ARID2: variants seen among roughly 807,000 people sequenced by gnomAD.
ARID2 encodes AT-rich interaction domain 2, also known as AT-rich interactive domain-containing protein 2.
ARID2 carries 32 observed loss-of-function variants against 184.6 expected under a neutral mutation model. The observed-to-expected ratio is 0.17, with a 90% confidence interval of 0.13 to 0.23. The LOEUF (loss-of-function observed/expected upper bound fraction) is 0.23. Among genes scored for constraint, ARID2 ranks in the 10% least tolerant of loss-of-function variants. ARID2 has a pLI of 1.00. For synonymous variants in ARID2, 836 were observed against 772.6 expected, an observed-to-expected ratio of 1.08 and a Z score of -1.36; for missense variants, 1,696 against 2,197.6, an observed-to-expected ratio of 0.77 and a Z score of 4.56.
At position 45,884,594 on chromosome 12, in the gene ARID2, T is replaced by C. The variant is rs557184720; in HGVS notation, c.4923-7186T>C. Among the ~76,000 whole-genome samples the C allele has an allele frequency of 7.2e-5, 11 of 152,316 alleles. No individual in the cohort carries two copies. The East Asian group carries it at 1.5e-3, about 21-fold the overall frequency. ...TTTACTATGTAAAATAAGTGACTGCTTCACAGACCGGCGGGTTAATAGCAC... is the reference window on the plus strand; with the variant it reads ...TTTACTATGTAAAATAAGTGACTGCCTCACAGACCGGCGGGTTAATAGCAC... On this transcript the variant is annotated intron_variant, in intron 16 of 20. Coordinates refer to ENST00000334344, the MANE Select transcript of ARID2 (RefSeq NM_152641.4).
At position 45,852,543 on chromosome 12, in the gene ARID2, A is replaced by G. The variant is rs1467419088; in HGVS notation, c.4420A>G (p.Thr1474Ala). 5 of 1,614,174 alleles carry G rather than the reference A, an allele frequency of 3.1e-6. No homozygotes were observed. Among genetic ancestry groups the G allele is most frequent in the Non-Finnish European group, 4.2e-6 (5 of 1,180,016 alleles). The change falls in exon 15 of 21, where the codon ACA becomes GCA. Residue 1474 changes from threonine (T) to alanine (A), a missense_variant. Coordinates refer to ENST00000334344, the MANE Select transcript of ARID2 (RefSeq NM_152641.4). ...AAGTGTAGTTGTCTCACCACATTCT[A>G]CAACCTCTGTTATACAGGGACATCA... ...RPSVVVSPHSTTSVIQGHQII... is the reference protein window; with the variant it reads ...RPSVVVSPHSATSVIQGHQII...
In ARID2 at chr12:45,850,920, G is replaced by A. The variant is rs145505205; in HGVS notation, c.2797G>A (p.Ala933Thr). ...AAGCGTAGTGATTGTAAGCCAGCCA[G>A]CTCAACAAGGTCAAACTTATGCACC... Reference protein sequence around the residue: ...QQSVVIVSQPAQQGQTYAPAI... With the variant: ...QQSVVIVSQPTQQGQTYAPAI... Residue 933 changes from alanine (A) to threonine (T), a missense_variant, in exon 15 of 21, where the codon GCT becomes ACT. Coordinates refer to ENST00000334344, the MANE Select transcript of ARID2 (RefSeq NM_152641.4). 97 of 1,613,998 alleles carry A rather than the reference G, an allele frequency of 6.0e-5. No individual in the cohort carries two copies. Among genetic ancestry groups the A allele is most frequent in the Middle Eastern group, 1.6e-4 (1 of 6,084 alleles).
intron 3 of ARID2, among the ~76,000 whole-genome samples, chr12:45,733,001 C>T (rs189412451): frequency 2.0e-5 from 3 of 151,960 alleles, no homozygotes; most frequent in African/African-American, 7.2e-5. Flanking sequence ...TATATAGTTT[C>T]AACATTGTAA....
intron 3 of ARID2, among the ~76,000 whole-genome samples, chr12:45,763,166 T>C (rs1941711476): frequency 6.6e-6 from 1 of 152,198 alleles, no homozygotes; most frequent in East Asian, 1.9e-4. Context: ...AATAGTAAAT[T>C]CCATTAAAGT....
intron 3 of ARID2, among the ~76,000 whole-genome samples, chr12:45,788,371 A>T (rs1430202719): frequency 6.6e-6 from 1 of 152,182 alleles, no homozygotes; most frequent in African/African-American, 2.4e-5. Context: ...CCTCAAGATC[A>T]TGTAGCTGAT....
intron 3 of ARID2, among the ~76,000 whole-genome samples, chr12:45,738,754 T>C (rs1180692881): frequency 6.6e-6 from 1 of 151,010 alleles, no homozygotes; most frequent in Non-Finnish European, 1.5e-5. Context: ...ACCCAAACTT[T>C]TTTCTTCCTG....
intron 16 of ARID2, among the ~76,000 whole-genome samples, chr12:45,876,567 A>T (rs1287821840): frequency 7.4e-6 from 1 of 134,766 alleles, no homozygotes; most frequent in Non-Finnish European, 1.6e-5. Flanking sequence ...AAGAAAAAAA[A>T]GGAAAAAAAA....
chr12:45,854,629 T>A (rs1943611980), intron 15 of ARID2, among the ~76,000 whole-genome samples: 1 of 152,172 alleles, frequency 6.6e-6, no homozygotes, highest in Non-Finnish European at 1.5e-5. Flanking sequence ...GTTACTCCTC[T>A]TAGAGACCTT....
intron 3 of ARID2, among the ~76,000 whole-genome samples, chr12:45,738,261 A>G (rs1390487884): frequency 6.6e-6 from 1 of 152,174 alleles, no homozygotes; most frequent in African/African-American, 2.4e-5. Flanking sequence ...TGTTTTGTTT[A>G]ATGTCCACCA....
chr12:45,857,169 A>G (rs1943665329), intron 15 of ARID2, among the ~76,000 whole-genome samples: 1 of 152,206 alleles, frequency 6.6e-6, no homozygotes, highest in South Asian at 2.1e-4. Flanking sequence ...AAAATAGTTT[A>G]AGGATATACA....
intron 3 of ARID2, among the ~76,000 whole-genome samples, chr12:45,770,491 A>G (rs184028087): frequency 7.9e-5 from 12 of 152,294 alleles, no homozygotes; most frequent in Non-Finnish European, 1.3e-4. Flanking sequence ...CCTGTGCTAT[A>G]GCTTGTACCC....
chr12:45,905,940 C>CTTTTTTTTTTTTTT lies in ARID2; in HGVS notation c.*873_*874insTTTTTTTTTTTTTT, dbSNP rs1362533296. The CTTTTTTTTTTTTTT allele has an allele frequency of 3.6e-5, 6 of 166,984 alleles. No individual in the cohort carries two copies. Among genetic ancestry groups the CTTTTTTTTTTTTTT allele is most frequent in the East Asian group, 9.6e-5 (1 of 10,422 alleles). The allele number at this position is 166,984 out of a possible 1,614,324, so 10.3% of individuals were successfully genotyped here. ...GAACTGTGATTTTTTTTTCTTTTTT[C>CTTTTTTTTTTTTTT]TTTTTTTTTTTCTTTTTTTTTTTGT... On this transcript the variant is annotated 3_prime_UTR_variant, in exon 21 of 21. Transcript: ENST00000334344.
chr12:45,889,990 A>C (rs996947311), intron 16 of ARID2, among the ~76,000 whole-genome samples: 1 of 152,222 alleles, frequency 6.6e-6, no homozygotes, highest in African/African-American at 2.4e-5. Context: ...ACCCTTAACT[A>C]CTTTTCACCT....
rs559425778 is a variant in ARID2 at position 45,731,077 on chromosome 12, A to G, written c.187-140A>G. ...GTGATTCAAGAAGCCCTTGCTTAGTAACTCTTACCGATCGATCCGAAACAC... is the reference window on the plus strand; with the variant it reads ...GTGATTCAAGAAGCCCTTGCTTAGTGACTCTTACCGATCGATCCGAAACAC... On this transcript the variant is annotated intron_variant, in intron 2 of 20. Coordinates refer to ENST00000334344, the MANE Select transcript of ARID2 (RefSeq NM_152641.4). The G allele has an allele frequency of 1.9e-4, 119 of 630,580 alleles. No individual in the cohort carries two copies. The East Asian group carries it at 3.2e-3, about 17-fold the overall frequency. The allele number at this position is 630,580 out of a possible 1,614,324, so 39.1% of individuals were successfully genotyped here.
chr12:45,803,904 A>T (rs1942552541), intron 3 of ARID2, among the ~76,000 whole-genome samples: 2 of 152,324 alleles, frequency 1.3e-5, no homozygotes, highest in Admixed American at 1.3e-4. Context: ...ACGAATGAGT[A>T]AAGGTTCCAC....
chr12:45,734,545 A>C (rs1193666625), intron 3 of ARID2, among the ~76,000 whole-genome samples: 2 of 151,814 alleles, frequency 1.3e-5, no homozygotes, highest in African/African-American at 2.4e-5. Context: ...ATAGTTTCCC[A>C]CATTTTGTAG....
At chr12:45,749,375 G>A (rs1334203930) in intron 3 of ARID2, among the ~76,000 whole-genome samples, 1 of 152,168 alleles carries the variant, frequency 6.6e-6, no homozygotes, top group Non-Finnish European at 1.5e-5. Flanking sequence ...GTTAACAGAT[G>A]TACTGTCATC....
intron 3 of ARID2, among the ~76,000 whole-genome samples, chr12:45,797,802 A>T (rs1248231565): frequency 6.6e-6 from 1 of 151,934 alleles, no homozygotes; most frequent in Non-Finnish European, 1.5e-5. Context: ...GTGTATATGA[A>T]ATACTAGCTT....
At chr12:45,731,351 A>G in intron 3 of ARID2, 37 bp downstream of exon 3, 1 of 1,452,364 alleles carries the variant, frequency 6.9e-7, no homozygotes, top group Non-Finnish European at 9.7e-7. Context: ...ATTTGGAAAT[A>G]AGGGACTTAT....
Sources: gnomAD v4.1 joint callset for allele counts (sites outside exome capture counted in the v4.1 genomes callset) on GRCh38, gnomAD v4.1.1 for gene constraint, MANE v1.5 for transcripts, NCBI Gene and HGNC (gene_info 2026-07-23, HGNC 2026-07-21) for gene names.